MARK3: variants seen among roughly 807,000 people sequenced by gnomAD.
MARK3 encodes MAP/microtubule affinity-regulating kinase 3.
A neutral mutation model predicts 90.1 loss-of-function variants in MARK3; 46 were observed. The ratio of observed to expected loss-of-function variants is 0.51; its 90% confidence interval spans 0.40 to 0.65. The LOEUF (loss-of-function observed/expected upper bound fraction) is 0.65. MARK3 is among the 30% of genes least tolerant of loss of function. The pLI is 0.00. For synonymous variants in MARK3, 321 were observed against 332.6 expected (o/e 0.97, Z 0.38); for missense variants, 818 against 947.2 (o/e 0.86, Z 1.79).
At chr14:103,453,417 T>C (rs971482001) in intron 5 of MARK3, among the ~76,000 whole-genome samples, 17 of 152,232 alleles carry the variant, frequency 1.1e-4, no homozygotes, top group Non-Finnish European at 1.9e-4. Flanking sequence ...AGCACTTTGA[T>C]CCATGTTACA....
chr14:103,457,308 G>A lies in MARK3; in HGVS notation c.483+96G>A, dbSNP rs557592259. On this transcript the variant is annotated intron_variant, in intron 6 of 17. Transcript: ENST00000429436. ...GTTTGCCTCCATAAATGCTTATAAGGCCTGTTGGATGGCAGGGGTTGGCCA... is the reference window on the plus strand; with the variant it reads ...GTTTGCCTCCATAAATGCTTATAAGACCTGTTGGATGGCAGGGGTTGGCCA... 6.7e-6 allele frequency: 6 copies of A among 890,628 alleles called. No homozygotes were observed. In the Admixed American group the frequency reaches 1.3e-4, roughly 19 times the overall value. The allele number at this position is 890,628 out of a possible 1,614,324, so 55.2% of individuals were successfully genotyped here. A position where few individuals can be genotyped will look rare whatever the true frequency, so the allele number is the denominator to read the frequency against.
chr14:103,459,120 A>C (rs10459573), intron 6 of MARK3, among the ~76,000 whole-genome samples: 43,022 of 152,024 alleles, frequency 0.28, 7,255 homozygotes, highest in Non-Finnish European at 0.36. Context: ...AAAAGGGAAC[A>C]TTTTTTTGCT....
intron 1 of MARK3, among the ~76,000 whole-genome samples, chr14:103,390,575 T>C (rs2090169674): frequency 6.6e-6 from 1 of 152,172 alleles, no homozygotes; most frequent in South Asian, 2.1e-4. Flanking sequence ...TAACAATAGC[T>C]GATAAGCTTT....
intron 2 of MARK3, among the ~76,000 whole-genome samples, chr14:103,415,661 GA>G (rs113086132): frequency 0.047 from 7,136 of 152,138 alleles, 586 homozygotes; most frequent in African/African-American, 0.17. Context: ...TAGCCTCCCA[GA>G]GACCTTTCCC....
At chr14:103,484,292 C>T (rs2093882734) in intron 14 of MARK3, among the ~76,000 whole-genome samples, 1 of 151,990 alleles carries the variant, frequency 6.6e-6, no homozygotes, top group Non-Finnish European at 1.5e-5. Flanking sequence ...GTTCTTCTGC[C>T]TCAGCCTCCC....
chr14:103,454,401 C>T (rs2093229022), intron 5 of MARK3, among the ~76,000 whole-genome samples: 1 of 152,076 alleles, frequency 6.6e-6, no homozygotes, highest in African/African-American at 2.4e-5. Context: ...TGCAGGCGCA[C>T]ACCACACCTG....
intron 2 of MARK3, among the ~76,000 whole-genome samples, chr14:103,408,799 A>G (rs549166530): frequency 3.3e-5 from 5 of 152,334 alleles, no homozygotes; most frequent in African/African-American, 7.2e-5. Flanking sequence ...CCTTTTGACA[A>G]TTCATTAATT....
chr14:103,493,350 A>G (rs2075122861), intron 15 of MARK3, among the ~76,000 whole-genome samples: 2 of 140,226 alleles, frequency 1.4e-5, no homozygotes, highest in South Asian at 4.4e-4. Context: ...CGCCTAGATT[A>G]GGGAGGATCT....
chr14:103,412,035 G>T (rs2091668748), intron 2 of MARK3: 24 of 312,740 alleles, frequency 7.7e-5, no homozygotes, highest in Middle Eastern at 5.6e-4. Context: ...ATGAAATTTT[G>T]ATTAGATTAG....
intron 14 of MARK3, chr14:103,491,417 C>G: frequency 4.5e-6 from 1 of 220,122 alleles, no homozygotes. Context: ...TCAGTTACGC[C>G]AGCATATCCT....
intron 14 of MARK3, chr14:103,490,933 G>A: frequency 1.6e-6 from 2 of 1,258,734 alleles, no homozygotes; most frequent in South Asian, 1.3e-5. Context: ...GCCTCTGCCT[G>A]AACCCAAACC....
intron 14 of MARK3, chr14:103,489,394 G>A (rs2093981427): frequency 6.6e-6 from 1 of 152,302 alleles, no homozygotes; most frequent in African/African-American, 2.4e-5. Flanking sequence ...TCCAAGTCGA[G>A]GAGACTGAAC....
intron 1 of MARK3, among the ~76,000 whole-genome samples, chr14:103,394,251 A>G (rs1034494456): frequency 6.6e-6 from 1 of 152,308 alleles, no homozygotes; most frequent in Middle Eastern, 3.4e-3. Flanking sequence ...TTCAAATTAA[A>G]CATGAAGGAG....
chr14:103,424,261 C>T (rs1485939697), intron 2 of MARK3, among the ~76,000 whole-genome samples: 3 of 150,548 alleles, frequency 2.0e-5, no homozygotes, highest in Admixed American at 6.6e-5. Flanking sequence ...GACCGGATGC[C>T]GTGGCTCATG....
chr14:103,473,766 C>T (rs1174821513), intron 12 of MARK3, among the ~76,000 whole-genome samples: 1 of 151,978 alleles, frequency 6.6e-6, no homozygotes, highest in Non-Finnish European at 1.5e-5. Context: ...ACTCTGTCAC[C>T]CAAGCCACAT....
At chr14:103,499,150 A>G (rs994082651) in intron 16 of MARK3, 2 of 152,252 alleles carry the variant, frequency 1.3e-5, no homozygotes, top group Non-Finnish European at 2.9e-5. Flanking sequence ...TACTTAAAGC[A>G]CTACAGAAAG....
At chr14:103,407,104 A>G (rs2091348090) in intron 2 of MARK3, among the ~76,000 whole-genome samples, 1 of 152,226 alleles carries the variant, frequency 6.6e-6, no homozygotes, top group South Asian at 2.1e-4. Flanking sequence ...TGCTGGGATT[A>G]CAGGCGTGAG....
intron 3 of MARK3, among the ~76,000 whole-genome samples, chr14:103,433,860 A>T (rs1396786622): frequency 1.3e-5 from 2 of 152,156 alleles, no homozygotes; most frequent in African/African-American, 2.4e-5. Context: ...GCAGGAGTTT[A>T]GTCCCAAACA....
rs748093567 is a variant in MARK3, at chr14:103,465,751, A to G, written c.735A>G (p.Thr245=). 67 of 1,614,016 alleles carry G rather than the reference A, an allele frequency of 4.2e-5. No homozygotes were observed. The South Asian group carries it at 5.8e-4, about 14-fold the overall frequency. The part of the protein sequence containing the change: ...DVWSLGVILY[T]LVSGSLPFDG... ...GGAGTCTGGGGGTCATTTTATACAC[A>G]CTAGTCAGTGGCTCACTTCCCTTTG... Residue 245 remains threonine (T), a synonymous_variant, in exon 8 of 18, where the codon ACA becomes ACG. Coordinates refer to ENST00000429436, the MANE Select transcript of MARK3 (RefSeq NM_001128918.3).
Sources: allele counts gnomAD v4.1 joint callset (sites outside exome capture counted in the v4.1 genomes callset), GRCh38; gene constraint gnomAD v4.1.1; transcripts MANE v1.5; gene names NCBI Gene and HGNC (gene_info 2026-07-23, HGNC 2026-07-21).